FOXP2: variants seen among roughly 807,000 people sequenced by gnomAD.
The protein encoded by FOXP2 is forkhead box P2.
A neutral mutation model predicts 115.8 loss-of-function variants in FOXP2; 12 were observed. The observed-to-expected ratio is 0.10, with a 90% confidence interval of 0.07 to 0.17. The LOEUF (loss-of-function observed/expected upper bound fraction) is 0.17, where lower values mean the gene tolerates loss of function less well. FOXP2 is among the 10% of genes least tolerant of loss of function. The pLI is 1.00. For missense variants in FOXP2, 629 were observed against 843.5 expected (o/e 0.75, Z 3.15); for synonymous variants, 328 against 297.7 (o/e 1.10, Z -1.05).
At chr7:114,547,872 T>C (rs1800009923) in intron 3 of FOXP2, among the ~76,000 whole-genome samples, 1 of 152,252 alleles carries the variant, frequency 6.6e-6, no homozygotes, top group South Asian at 2.1e-4. Flanking sequence ...GATTTAATTA[T>C]ATCTATTGCC....
chr7:114,191,200 T>G (rs1190149552), intron 1 of FOXP2, among the ~76,000 whole-genome samples: 1 of 152,222 alleles, frequency 6.6e-6, no homozygotes, highest in Non-Finnish European at 1.5e-5. Flanking sequence ...GCTGTCATTT[T>G]TTATAGTTTA....
At chr7:114,227,727 C>T (rs1467048652) in intron 1 of FOXP2, among the ~76,000 whole-genome samples, 1 of 151,846 alleles carries the variant, frequency 6.6e-6, no homozygotes, top group Non-Finnish European at 1.5e-5. Flanking sequence ...TATTTCTGCT[C>T]AACAGAAATT....
chr7:114,218,217 T>C (rs1422658683), intron 1 of FOXP2, among the ~76,000 whole-genome samples: 1 of 152,196 alleles, frequency 6.6e-6, no homozygotes, highest in African/African-American at 2.4e-5. Flanking sequence ...TATGAAGTGT[T>C]AATTTTAGAC....
chr7:114,386,188 C>T (rs1239177575), intron 2 of FOXP2, among the ~76,000 whole-genome samples: 1 of 151,920 alleles, frequency 6.6e-6, no homozygotes, highest in Non-Finnish European at 1.5e-5. Flanking sequence ...GGATGGTGAG[C>T]GAAAGCTCAG....
At chr7:114,133,269 A>ATCTC (rs1274888491) in intron 1 of FOXP2, among the ~76,000 whole-genome samples, 4 of 152,198 alleles carry the variant, frequency 2.6e-5, no homozygotes, top group Non-Finnish European at 5.9e-5. Flanking sequence ...GACCATAGAG[A>ATCTC]GAACAGGTTT....
intron 2 of FOXP2, among the ~76,000 whole-genome samples, chr7:114,432,935 A>G (rs959798404): frequency 1.6e-4 from 24 of 151,974 alleles, no homozygotes; most frequent in African/African-American, 5.8e-4. Context: ...GTGTTAAGAT[A>G]TATTACATGG....
At chr7:114,261,115 G>C (rs1795738391) in intron 1 of FOXP2, among the ~76,000 whole-genome samples, 1 of 151,994 alleles carries the variant, frequency 6.6e-6, no homozygotes, top group Admixed American at 6.6e-5. Context: ...TATGCTATTA[G>C]GTAAATTTTG....
intron 1 of FOXP2, among the ~76,000 whole-genome samples, chr7:114,253,452 C>T (rs929934198): frequency 1.3e-5 from 2 of 152,078 alleles, no homozygotes; most frequent in African/African-American, 4.8e-5. Flanking sequence ...TCTCTAAGGA[C>T]TTGCTTTATG....
chr7:114,615,122 G>A (rs754895594), intron 3 of FOXP2, among the ~76,000 whole-genome samples: 2 of 152,126 alleles, frequency 1.3e-5, no homozygotes, highest in Non-Finnish European at 2.9e-5. Flanking sequence ...GTGAGGCTGA[G>A]TCAGGAAAAT....
At chr7:114,532,705 T>C (rs935781456) in intron 2 of FOXP2, among the ~76,000 whole-genome samples, 31 of 151,590 alleles carry the variant, frequency 2.0e-4, no homozygotes, top group African/African-American at 7.0e-4. Context: ...AATAGATAAC[T>C]ACATAATTTA....
chr7:114,500,186 A>AGTCT (rs1797505194), intron 2 of FOXP2, among the ~76,000 whole-genome samples: 1 of 148,572 alleles, frequency 6.7e-6, no homozygotes, highest in African/African-American at 2.5e-5. Context: ...ACTGCCCTCC[A>AGTCT]GTCTGGGCGA....
At chr7:114,202,108 G>A (rs908367013) in intron 1 of FOXP2, among the ~76,000 whole-genome samples, 1 of 152,244 alleles carries the variant, frequency 6.6e-6, no homozygotes, top group Non-Finnish European at 1.5e-5. Context: ...ATCTGGATGA[G>A]TACTGATGCA....
intron 2 of FOXP2, among the ~76,000 whole-genome samples, chr7:114,356,702 C>A (rs1417376233): frequency 6.6e-6 from 1 of 152,132 alleles, no homozygotes; most frequent in Non-Finnish European, 1.5e-5. Context: ...ATCAATTAAA[C>A]TACTACAACA....
chr7:114,159,485 T>C (rs894719005), upstream of FOXP2, among the ~76,000 whole-genome samples: 1 of 115,174 alleles, frequency 8.7e-6, no homozygotes, highest in African/African-American at 3.1e-5. Flanking sequence ...AACAGCATCA[T>C]GGAAAGTAAT....
At chr7:114,343,857 C>A (rs965465837) in intron 2 of FOXP2, among the ~76,000 whole-genome samples, 2 of 151,610 alleles carry the variant, frequency 1.3e-5, no homozygotes, top group African/African-American at 4.8e-5. Flanking sequence ...TTGCTATTTT[C>A]TAACCATTCT....
At chr7:114,602,856 G>T (rs554000356) in intron 3 of FOXP2, among the ~76,000 whole-genome samples, 9 of 152,050 alleles carry the variant, frequency 5.9e-5, no homozygotes, top group Non-Finnish European at 1.3e-4. Flanking sequence ...TAAAATATGG[G>T]TCAGTAAAAT....
intron 3 of FOXP2, among the ~76,000 whole-genome samples, chr7:114,594,313 G>C (rs1012703325): frequency 7.2e-5 from 11 of 152,010 alleles, no homozygotes; most frequent in Admixed American, 3.3e-4. Context: ...CTATTTAGGT[G>C]AATAATCTGC....
In FOXP2 at chr7:114,271,655, T is replaced by C. The variant is rs374030952; in HGVS notation, c.-101-16364T>C. Among the ~76,000 whole-genome samples, 298 of 120,060 alleles carry C rather than the reference T, an allele frequency of 2.5e-3. 2 individuals carry two copies. The highest frequency in any genetic ancestry group is 9.3e-3 in the African/African-American group (277 of 29,908). The allele number at this position is 120,060 out of a possible 152,430, so 78.8% of individuals were successfully genotyped here. A position where few individuals can be genotyped will look rare whatever the true frequency, so the allele number is the denominator to read the frequency against. The stretch of plus-strand genomic sequence containing the variant: ...TAATATAATTATTAATTATTATAAA[T>C]ATTATTAAATATATTATTTAAAATT... On this transcript the variant is annotated intron_variant, in intron 1 of 17. Transcript: ENST00000634411.
upstream of FOXP2, among the ~76,000 whole-genome samples, chr7:114,159,925 G>A (rs1192290762): frequency 6.6e-6 from 1 of 152,210 alleles, no homozygotes; most frequent in Non-Finnish European, 1.5e-5. Context: ...AGACAGCTGT[G>A]TAGAAATATT....
Sources: gnomAD v4.1 joint callset for allele counts (sites outside exome capture counted in the v4.1 genomes callset) on GRCh38, gnomAD v4.1.1 for gene constraint, MANE v1.5 for transcripts, NCBI Gene and HGNC (gene_info 2026-07-23, HGNC 2026-07-21) for gene names.